Variants in GAREM1 observed in about 807,000 individuals in gnomAD.
GAREM1 encodes the protein GRB2-associated and regulator of MAPK protein 1.
A neutral mutation model predicts 71.3 loss-of-function variants in GAREM1; 26 were observed. The observed-to-expected ratio is 0.36, with a 90% CI of 0.27 to 0.51. The LOEUF is 0.51. GAREM1 is among the 20% of genes least tolerant of loss of function. GAREM1 has a pLI of 0.95. For missense variants in GAREM1, 1,026 were observed against 1,103.1 expected (o/e 0.93, Z 0.99); for synonymous variants, 440 against 433.2 (o/e 1.02, Z -0.20).
Position 32,316,425 on chromosome 18 carries a change from G to A in GAREM1, c.263-6102C>T, listed in dbSNP as rs188078830. ...TATATTTTAAACTTTCTCTTGTGAT[G>A]TTAAATTATTGAAAACCAAATACTA... On this transcript the variant is annotated intron_variant, in intron 2 of 5. Coordinates refer to ENST00000269209, the MANE Select transcript of GAREM1 (RefSeq NM_001242409.2). Among the ~76,000 whole-genome samples the A allele has an allele frequency of 1.6e-3, 251 of 152,230 alleles. 1 individual carries two copies. Among genetic ancestry groups the A allele is most frequent in the East Asian group, 0.012 (64 of 5,184 alleles).
intron 2 of GAREM1, among the ~76,000 whole-genome samples, chr18:32,352,501 A>G (rs2047762060): frequency 6.6e-6 from 1 of 152,110 alleles, no homozygotes. Flanking sequence ...AGAGGGCCAC[A>G]GTTTTGGGAG....
At chr18:32,334,338 T>A (rs1290380739) in intron 2 of GAREM1, among the ~76,000 whole-genome samples, 1 of 152,020 alleles carries the variant, frequency 6.6e-6, no homozygotes, top group Non-Finnish European at 1.5e-5. Context: ...CCCCGAGATG[T>A]CAAGATTGTT....
At chr18:32,423,048 T>C (rs1378102210) in intron 1 of GAREM1, among the ~76,000 whole-genome samples, 1 of 152,212 alleles carries the variant, frequency 6.6e-6, no homozygotes, top group Non-Finnish European at 1.5e-5. Flanking sequence ...CACATAAACA[T>C]TGACCTAAAT....
rs756082703 is a variant in GAREM1, at chr18:32,329,703, TAAAAA to T, written c.263-19385_263-19381del. Among the ~76,000 whole-genome samples the T allele has an allele frequency of 6.4e-5, 5 of 78,186 alleles. 1 individual carries two copies. The highest frequency in any genetic ancestry group is 1.5e-4 in the Admixed American group (1 of 6,796). The allele number at this position is 78,186 out of a possible 152,430, so 51.3% of individuals were successfully genotyped here. On this transcript the variant is annotated intron_variant, in intron 2 of 5. Coordinates refer to ENST00000269209, the MANE Select transcript of GAREM1 (RefSeq NM_001242409.2). ...CCTGGGTGACAGAGCGAGACTCCAT[TAAAAA>T]AAAAAAAAAAAAAAAAAGATTGAAA...
chr18:32,328,397 T>C (rs2047493865), intron 2 of GAREM1, among the ~76,000 whole-genome samples: 2 of 152,194 alleles, frequency 1.3e-5, no homozygotes, highest in Admixed American at 1.3e-4. Flanking sequence ...GTTGATAATC[T>C]GTAGATAGAA....
At chr18:32,399,937 A>G (rs1384550289) in intron 1 of GAREM1, among the ~76,000 whole-genome samples, 1 of 152,242 alleles carries the variant, frequency 6.6e-6, no homozygotes, top group Non-Finnish European at 1.5e-5. Flanking sequence ...ACAAGGCTAC[A>G]GTAACCAAAA....
At chr18:32,279,238 A>G (rs138118212) in intron 4 of GAREM1, among the ~76,000 whole-genome samples, 10 of 152,336 alleles carry the variant, frequency 6.6e-5, no homozygotes, top group East Asian at 1.9e-4. Context: ...AGGGTCCCCA[A>G]CTTTTGGGAT....
rs376280265 is a variant in GAREM1 at position 32,451,759 on chromosome 18, C to T, written c.121+18549G>A. On this transcript the variant is annotated intron_variant, in intron 1 of 5. Transcript: ENST00000269209. The stretch of plus-strand genomic sequence containing the variant: ...TAAACAAAAAAAAATCTGGGCCTTT[C>T]CCATATTTACAGCCCTTCAGCACTT... 8.0e-4 allele frequency among the ~76,000 whole-genome samples: 122 copies of T among 152,220 alleles called. No homozygotes were observed. The East Asian group carries it at 0.016, about 20-fold the overall frequency.
chr18:32,423,934 G>T (rs1300419565), intron 1 of GAREM1, among the ~76,000 whole-genome samples: 1 of 152,068 alleles, frequency 6.6e-6, no homozygotes, highest in Non-Finnish European at 1.5e-5. Flanking sequence ...AAGAGTCTGA[G>T]ACATGCCAGG....
intron 2 of GAREM1, among the ~76,000 whole-genome samples, chr18:32,372,629 C>T (rs1483689542): frequency 6.6e-6 from 1 of 152,200 alleles, no homozygotes; most frequent in African/African-American, 2.4e-5. Context: ...GGAGCTTCCA[C>T]ACCTGCCTTC....
chr18:32,412,212 A>C, intron 1 of GAREM1: 1 of 1,567,312 alleles, frequency 6.4e-7, no homozygotes, highest in Non-Finnish European at 8.7e-7. Flanking sequence ...TTTGTTTCCT[A>C]ATTAAAATCT....
intron 2 of GAREM1, among the ~76,000 whole-genome samples, chr18:32,383,453 A>G (rs2048115725): frequency 6.6e-6 from 1 of 152,178 alleles, no homozygotes; most frequent in African/African-American, 2.4e-5. Flanking sequence ...CAGTTTTGGA[A>G]CCCATGAAGT....
intron 2 of GAREM1, among the ~76,000 whole-genome samples, chr18:32,377,402 A>T (rs1415835994): frequency 1.3e-5 from 2 of 152,102 alleles, no homozygotes; most frequent in Non-Finnish European, 2.9e-5. Flanking sequence ...AAGGTCTAGC[A>T]TTCTTATTGG....
Position 32,302,646 on chromosome 18 carries a change from G to A in GAREM1, c.393+7547C>T, listed in dbSNP as rs115837428. 2.2e-3 allele frequency among the ~76,000 whole-genome samples: 341 copies of A among 152,218 alleles called. 3 individuals carry two copies. Among genetic ancestry groups the A allele is most frequent in the African/African-American group, 7.8e-3 (325 of 41,530 alleles). On this transcript the variant is annotated intron_variant, in intron 3 of 5. Coordinates refer to ENST00000269209, the MANE Select transcript of GAREM1 (RefSeq NM_001242409.2). The stretch of plus-strand genomic sequence containing the variant: ...ATACCACATGGTCTCATTTATATAT[G>A]GAAACTAAAAACATCAAACTCATGG...
At chr18:32,340,089 C>T (rs2047634040) in intron 2 of GAREM1, among the ~76,000 whole-genome samples, 1 of 152,238 alleles carries the variant, frequency 6.6e-6, no homozygotes, top group Non-Finnish European at 1.5e-5. Flanking sequence ...AGTGGCACTT[C>T]TTGCATGTCC....
chr18:32,450,405 A>G (rs973265727), intron 1 of GAREM1, among the ~76,000 whole-genome samples: 1 of 152,202 alleles, frequency 6.6e-6, no homozygotes, highest in African/African-American at 2.4e-5. Context: ...CAATTATTTA[A>G]AAGTTCTAAT....
intron 2 of GAREM1, chr18:32,331,725 T>C (rs913406363): frequency 1.3e-5 from 2 of 151,460 alleles, no homozygotes; most frequent in Non-Finnish European, 1.5e-5. Flanking sequence ...GCCTAAATAA[T>C]AAGAGGAGGG....
At chr18:32,351,001 G>C (rs940878527) in intron 2 of GAREM1, among the ~76,000 whole-genome samples, 1 of 152,108 alleles carries the variant, frequency 6.6e-6, no homozygotes, top group South Asian at 2.1e-4. Context: ...AGAAAAAGTT[G>C]ACTTGAATTT....
At chr18:32,307,522 G>C (rs907025766) in intron 3 of GAREM1, among the ~76,000 whole-genome samples, 1 of 151,940 alleles carries the variant, frequency 6.6e-6, no homozygotes, top group Non-Finnish European at 1.5e-5. Context: ...CAATAATCCA[G>C]ACTTTTTGTT....
Sources: allele counts gnomAD v4.1 joint callset (sites outside exome capture counted in the v4.1 genomes callset), GRCh38; gene constraint gnomAD v4.1.1; transcripts MANE v1.5; gene names NCBI Gene and HGNC (gene_info 2026-07-23, HGNC 2026-07-21).